SPG11: variants seen among roughly 807,000 people sequenced by gnomAD.
The protein encoded by SPG11 is spatacsin.
Under a neutral mutation model 274.0 loss-of-function variants are expected in SPG11, and 222 were observed. That is an observed-to-expected ratio of 0.81 (90% CI 0.73 to 0.91). SPG11 has a LOEUF of 0.91. Among genes scored for constraint, SPG11 ranks in the 40% least tolerant of loss-of-function variants. The probability of loss-of-function intolerance (pLI) is 0.00; values close to 1 mark genes in which losing one functional copy is unlikely to be tolerated. For missense variants in SPG11, 3,114 were observed against 2,872.7 expected (o/e 1.08, Z -1.92); for synonymous variants, 1,144 against 1,039.7 (o/e 1.10, Z -1.93).
At chr15:44,654,310 G>C (rs753425098) in intron 4 of SPG11, among the ~76,000 whole-genome samples, 1 of 151,822 alleles carries the variant, frequency 6.6e-6, no homozygotes, top group Non-Finnish European at 1.5e-5. Context: ...AGGCGTTCAA[G>C]ACCAGCCCGG....
In SPG11 at chr15:44,572,776, G is replaced by A. The variant is rs754874642; in HGVS notation, c.6250C>T (p.Leu2084Phe). Residue 2084 changes from leucine (L) to phenylalanine (F), a missense_variant, in exon 33 of 40, where the codon CTT becomes TTT. Transcript: ENST00000261866. The part of the protein sequence containing the change: ...FNPTEESQTF[L>F]QLTTLCQDRT... Reference sequence around the variant, plus strand: ...TCTTGACACAGAGTGGTCAGCTGAAGAAATGTCTGGCTTTCCTCTGTTGGG... The same window carrying A: ...TCTTGACACAGAGTGGTCAGCTGAAAAAATGTCTGGCTTTCCTCTGTTGGG... The A allele has an allele frequency of 1.4e-5, 22 of 1,613,986 alleles. No homozygotes were observed. Among genetic ancestry groups the A allele is most frequent in the Admixed American group, 1.3e-4 (8 of 59,990 alleles).
intron 19 of SPG11, among the ~76,000 whole-genome samples, chr15:44,608,034 A>G (rs2083366416): frequency 6.6e-6 from 1 of 152,168 alleles, no homozygotes; most frequent in Non-Finnish European, 1.5e-5. Context: ...AGATACATAT[A>G]GCCACAAAGA....
rs751101312 is a variant in SPG11, at chr15:44,652,247, G to A, written c.889C>T (p.Leu297=). 6.2e-7 allele frequency: 1 copy of A among 1,614,024 alleles called. No homozygotes were observed. The highest frequency in any genetic ancestry group is 8.5e-7 in the Non-Finnish European group (1 of 1,179,988). Residue 297 remains leucine (L), a synonymous_variant, in exon 5 of 40, where the codon CTG becomes TTG. Transcript: ENST00000261866. Reference sequence around the variant, plus strand: ...AGATCTTCTAGTATTCTTTCACACAGTAGGTGTCCTGGGTGTTGCCTACAT... The same window carrying A: ...AGATCTTCTAGTATTCTTTCACACAATAGGTGTCCTGGGTGTTGCCTACAT... ...LYFRQHPGHL[L]CERILEDLPI... is the part of the protein sequence containing the mutation.
Position 44,596,259 on chromosome 15 carries a change from T to C in SPG11, c.4258A>G (p.Ser1420Gly), listed in dbSNP as rs750568615. Residue 1420 changes from serine to glycine, a missense_variant, in exon 25 of 40, where the codon AGC becomes GGC. Physicochemically the swap from Ser to Gly is moderately conservative, Grantham distance 56. Transcript: ENST00000261866. ...GGGCACTTATTGCAGACTTGATCGCTGTCCATTTTGGAGGTGGGCACTGAG... is the reference window on the plus strand; with the variant it reads ...GGGCACTTATTGCAGACTTGATCGCCGTCCATTTTGGAGGTGGGCACTGAG... ...LPSVPTSKMD[S>G]DQVCNKCPQE... 4 of 1,614,202 alleles carry C rather than the reference T, an allele frequency of 2.5e-6. No homozygotes were observed. Among genetic ancestry groups the C allele is most frequent in the South Asian group, 2.2e-5 (2 of 91,080 alleles).
rs201535432 is a variant in SPG11 at position 44,648,856 on chromosome 15, A to C, written c.1602+10T>G. ...ATTAAGTAATGTTCTTGGGCATTTA[A>C]TTCTGTTACCTCTAGTGCATGTATG... On this transcript the variant is annotated intron_variant, in intron 7 of 39. Transcript: ENST00000261866. 1.0e-4 allele frequency: 165 copies of C among 1,613,708 alleles called. No individual in the cohort carries two copies. Among genetic ancestry groups the C allele is most frequent in the Non-Finnish European group, 1.4e-4 (161 of 1,179,762 alleles).
Position 44,596,303 on chromosome 15 carries a change from A to G in SPG11, c.4214T>C (p.Leu1405Pro). The G allele has an allele frequency of 6.2e-7, 1 of 1,614,248 alleles. No homozygotes were observed. The highest frequency in any genetic ancestry group is 1.1e-5 in the South Asian group (1 of 91,092). Residue 1405 changes from leucine (L) to proline (P), a missense_variant, in exon 25 of 40, where the codon CTG becomes CCG. Coordinates refer to ENST00000261866, the MANE Select transcript of SPG11 (RefSeq NM_025137.4). ...CACTGAGGGCAAGTTCTCAAAAGCC[A>G]GCCTTAAGTGGTCTTGAATGACTGG... ...FSPVIQDHLRLAFENLPSVPT... is the reference protein window; with the variant it reads ...FSPVIQDHLRPAFENLPSVPT...
intron 32 of SPG11, 38 bp downstream of exon 32, chr15:44,573,509 C>T (rs2082468535): frequency 1.2e-6 from 2 of 1,605,884 alleles, no homozygotes; most frequent in African/African-American, 1.3e-5. Context: ...CTAGAGAATG[C>T]TGTCAGAGAG....
intron 3 of SPG11, among the ~76,000 whole-genome samples, chr15:44,658,022 C>A (rs1045544855): frequency 8.5e-5 from 13 of 152,138 alleles, no homozygotes; most frequent in Admixed American, 8.5e-4. Flanking sequence ...GAGACCCTGT[C>A]TCAGGAGAAG....
intron 26 of SPG11, among the ~76,000 whole-genome samples, chr15:44,593,097 A>C (rs1265514083): frequency 6.6e-6 from 1 of 152,178 alleles, no homozygotes; most frequent in Admixed American, 6.5e-5. Flanking sequence ...GTCCAGTTAT[A>C]CCTACTCAAC....
At chr15:44,619,065 T>C (rs1267641901) in intron 15 of SPG11, among the ~76,000 whole-genome samples, 1 of 152,188 alleles carries the variant, frequency 6.6e-6, no homozygotes, top group Non-Finnish European at 1.5e-5. Flanking sequence ...TCTATAATAT[T>C]TACTAGTAGT....
chr15:44,586,633 G>A (rs1417939575), intron 28 of SPG11, among the ~76,000 whole-genome samples: 1 of 151,924 alleles, frequency 6.6e-6, no homozygotes, highest in Non-Finnish European at 1.5e-5. Context: ...AATAGAGTGA[G>A]ACTCTGTCTC....
intron 10 of SPG11, among the ~76,000 whole-genome samples, chr15:44,627,186 G>A (rs1024739730): frequency 1.3e-5 from 2 of 152,162 alleles, no homozygotes; most frequent in African/African-American, 2.4e-5. Context: ...GCAATATAGA[G>A]AGTGGACTAA....
At chr15:44,571,724 C>G (rs1480127735) in intron 33 of SPG11, among the ~76,000 whole-genome samples, 1 of 151,990 alleles carries the variant, frequency 6.6e-6, no homozygotes, top group African/African-American at 2.4e-5. Context: ...ATCTCGATCT[C>G]CTGACCTCAT....
intron 15 of SPG11, among the ~76,000 whole-genome samples, chr15:44,616,289 T>G (rs1008688396): frequency 6.7e-6 from 1 of 149,896 alleles, no homozygotes. Flanking sequence ...CACTGCAAGC[T>G]CCGCCTCCTG....
chr15:44,566,707 TTC>T (rs2082315544), intron 36 of SPG11, among the ~76,000 whole-genome samples: 1 of 152,088 alleles, frequency 6.6e-6, no homozygotes, highest in South Asian at 2.1e-4. Context: ...CACCTCAACA[TTC>T]TTTTTTTGAG....
intron 28 of SPG11, 53 bp from the exon 29 acceptor site, chr15:44,585,903 G>A (rs1486432760): frequency 1.4e-6 from 2 of 1,470,552 alleles, no homozygotes; most frequent in Admixed American, 3.4e-5. Context: ...TGCCACTACA[G>A]CATTTCAAGA....
chr15:44,614,320 G>C (rs766697572), intron 16 of SPG11, among the ~76,000 whole-genome samples: 3 of 151,906 alleles, frequency 2.0e-5, no homozygotes, highest in African/African-American at 4.8e-5. Context: ...GGACCTCCTA[G>C]GCTCAAAGTA....
chr15:44,602,691 C>A (rs561971280), intron 20 of SPG11, among the ~76,000 whole-genome samples: 2 of 152,052 alleles, frequency 1.3e-5, no homozygotes, highest in South Asian at 4.1e-4. Flanking sequence ...ACCGTGTTAG[C>A]CAGGATGGTC....
In SPG11 at chr15:44,585,652, T is replaced by C. The variant is rs773802042; in HGVS notation, c.5105A>G (p.Asn1702Ser). The C allele has an allele frequency of 1.2e-6, 2 of 1,610,672 alleles. No individual in the cohort carries two copies. The highest frequency in any genetic ancestry group is 1.3e-5 in the African/African-American group (1 of 74,632). The change falls in exon 29 of 40, where the codon AAC becomes AGC. Residue 1702 changes from asparagine (N) to serine (S), a missense_variant. By Grantham distance (46) the Asn-to-Ser change is conservative. Coordinates refer to ENST00000261866, the MANE Select transcript of SPG11 (RefSeq NM_025137.4). ...CGATGATACCTCTTTAATAACCAAG[T>C]TGTCCACAGGTAACTCAGCTAATTC... is the stretch of plus-strand genomic sequence containing the variant. ...VAELAELPVD[N>S]LVIKEITQEM...
Sources: gnomAD v4.1 joint callset for allele counts (sites outside exome capture counted in the v4.1 genomes callset) on GRCh38, gnomAD v4.1.1 for gene constraint, MANE v1.5 for transcripts, NCBI Gene and HGNC (gene_info 2026-07-23, HGNC 2026-07-21) for gene names.